PTPN4: variants seen among roughly 807,000 people sequenced by gnomAD.
PTPN4 encodes the protein protein tyrosine phosphatase non-receptor type 4.
Under a neutral mutation model 135.5 loss-of-function variants are expected in PTPN4, and 49 were observed. The observed-to-expected ratio is 0.36, with a 90% CI of 0.29 to 0.46. The LOEUF (loss-of-function observed/expected upper bound fraction) is 0.46. PTPN4 is among the 20% of genes least tolerant of loss of function. PTPN4 has a pLI of 1.00. For synonymous variants in PTPN4, 333 were observed against 369.9 expected (o/e 0.90, Z 1.14); for missense variants, 860 against 1,101.0 (o/e 0.78, Z 3.10).
chr2:119,863,581 C>G (rs1677791191), intron 3 of PTPN4, among the ~76,000 whole-genome samples: 1 of 151,966 alleles, frequency 6.6e-6, no homozygotes, highest in African/African-American at 2.4e-5. Flanking sequence ...TTTTCTTCCT[C>G]TCTCTCATGG....
chr2:119,811,882 CT>C (rs1007669406), intron 2 of PTPN4, among the ~76,000 whole-genome samples: 1 of 151,556 alleles, frequency 6.6e-6, no homozygotes, highest in African/African-American at 2.4e-5. Flanking sequence ...TATTAATGTA[CT>C]TTTATATGTT....
Position 119,946,265 on chromosome 2 carries a change from A to T in PTPN4, c.1516-76A>T, listed in dbSNP as rs1004761351. ...CTATGCATAATATAAGCATACAAAA[A>T]ATATGCTTCCTATATATCTGAAGAA... On this transcript the variant is annotated intron_variant, in intron 16 of 26. Coordinates refer to ENST00000263708, the MANE Select transcript of PTPN4 (RefSeq NM_002830.4). 1.3e-5 allele frequency: 15 copies of T among 1,131,850 alleles called. No individual in the cohort carries two copies. In the African/African-American group the frequency reaches 1.7e-4, roughly 13 times the overall value. The allele number at this position is 1,131,850 out of a possible 1,614,324, so 70.1% of individuals were successfully genotyped here.
At chr2:119,813,047 T>TCA (rs1363316527) in intron 2 of PTPN4, among the ~76,000 whole-genome samples, 2 of 151,816 alleles carry the variant, frequency 1.3e-5, no homozygotes, top group African/African-American at 4.8e-5. Flanking sequence ...AGTCAGAGAT[T>TCA]CACACACACA....
intron 18 of PTPN4, among the ~76,000 whole-genome samples, chr2:119,947,310 A>G (rs1679149017): frequency 2.0e-5 from 3 of 152,188 alleles, no homozygotes; most frequent in African/African-American, 7.2e-5. Context: ...GAGGGAGGCC[A>G]GCTATGCTTT....
Position 119,877,379 on chromosome 2 carries a change from T to C in PTPN4, c.289+14T>C. On this transcript the variant is annotated intron_variant, in intron 4 of 26. Transcript: ENST00000263708. ...AGCAGCTAAAGAGTGAGCATACATATTTACTTAATGTTTTGCAAGTTTACT... is the reference window on the plus strand; with the variant it reads ...AGCAGCTAAAGAGTGAGCATACATACTTACTTAATGTTTTGCAAGTTTACT... 6.2e-7 allele frequency: 1 copy of C among 1,611,618 alleles called. No individual in the cohort carries two copies. The highest frequency in any genetic ancestry group is 1.7e-5 in the Admixed American group (1 of 59,698).
intron 5 of PTPN4, among the ~76,000 whole-genome samples, 187 bp downstream of exon 5, chr2:119,877,729 G>A (rs1380055742): frequency 3.3e-5 from 5 of 152,092 alleles, no homozygotes; most frequent in African/African-American, 9.7e-5. Flanking sequence ...GAGTGTAAGG[G>A]GATTTAGAAC....
At position 119,960,917 on chromosome 2, in the gene PTPN4, G is replaced by A. The variant is rs1242269386; in HGVS notation, c.2244G>A (p.Met748Ile). ...TGACTTGGGAACAAGGCTCCTCTATGGTTGTAATGTTGACCACACAAGTTG... is the reference window on the plus strand; with the variant it reads ...TGACTTGGGAACAAGGCTCCTCTATAGTTGTAATGTTGACCACACAAGTTG... ...WQMTWEQGSSMVVMLTTQVER... is the reference protein window; with the variant it reads ...WQMTWEQGSSIVVMLTTQVER... The change falls in exon 23 of 27, where the codon ATG becomes ATA. Residue 748 changes from methionine to isoleucine, a missense_variant. By Grantham distance (10) the Met-to-Ile change is conservative (BLOSUM62 1). This residue lies in a region of PTPN4 where 176 missense variants were observed against 294.1 expected (regional missense o/e 0.60). Coordinates refer to ENST00000263708, the MANE Select transcript of PTPN4 (RefSeq NM_002830.4). 3.1e-6 allele frequency: 5 copies of A among 1,613,824 alleles called. No homozygotes were observed. Among genetic ancestry groups the A allele is most frequent in the South Asian group, 2.2e-5 (2 of 91,012 alleles).
chr2:119,950,753 C>T (rs558416800), intron 18 of PTPN4, among the ~76,000 whole-genome samples: 1 of 152,250 alleles, frequency 6.6e-6, no homozygotes, highest in Admixed American at 6.5e-5. Flanking sequence ...CAGAACATGT[C>T]CATATTTCTA....
intron 1 of PTPN4, among the ~76,000 whole-genome samples, chr2:119,802,512 T>C (rs1691395624): frequency 6.6e-6 from 1 of 152,250 alleles, no homozygotes; most frequent in Admixed American, 6.5e-5. Flanking sequence ...AGGTGGATTA[T>C]ATTGATTGAT....
At chr2:119,906,871 A>G (rs1377547106) in intron 10 of PTPN4, among the ~76,000 whole-genome samples, 1 of 152,234 alleles carries the variant, frequency 6.6e-6, no homozygotes, top group African/African-American at 2.4e-5. Context: ...ACAGGAAGTC[A>G]AATTGTTCCT....
chr2:119,957,315 G>A (rs1259790036), intron 22 of PTPN4, among the ~76,000 whole-genome samples: 3 of 152,178 alleles, frequency 2.0e-5, no homozygotes, highest in Non-Finnish European at 4.4e-5. Flanking sequence ...TTTGTTTATG[G>A]TAGAGGTGGC....
rs1030745764 is a variant in PTPN4 at position 119,980,019 on chromosome 2, T to C, written c.*2949T>C. ...ACATTCACCAGAAAATTGATAGTAT[T>C]TGTTAAACCAATGCATCCATTCAAA... On this transcript the variant is annotated 3_prime_UTR_variant, in exon 27 of 27. Transcript: ENST00000263708. 2 of 152,134 alleles carry C rather than the reference T, an allele frequency of 1.3e-5. No homozygotes were observed. Among genetic ancestry groups the C allele is most frequent in the African/African-American group, 4.8e-5 (2 of 41,458 alleles). 9.4% of individuals were successfully genotyped at this position (152,134 alleles called of 1,614,324 possible). A position where few individuals can be genotyped will look rare whatever the true frequency, so the allele number is the denominator to read the frequency against.
intron 1 of PTPN4, among the ~76,000 whole-genome samples, chr2:119,768,469 G>A (rs1690673510): frequency 6.6e-6 from 1 of 152,148 alleles, no homozygotes; most frequent in African/African-American, 2.4e-5. Flanking sequence ...ATACATATAT[G>A]TATACACACA....
intron 26 of PTPN4, among the ~76,000 whole-genome samples, chr2:119,970,286 CTGACCTCAG>C (rs1679512109): frequency 1.3e-5 from 2 of 151,660 alleles, no homozygotes; most frequent in South Asian, 4.2e-4. Context: ...TCTTGAACTC[CTGACCTCAG>C]GTGATCCACC....
intron 2 of PTPN4, among the ~76,000 whole-genome samples, chr2:119,858,901 T>C (rs1210770923): frequency 2.0e-5 from 3 of 152,196 alleles, no homozygotes; most frequent in Non-Finnish European, 4.4e-5. Context: ...CCCAAAGTGC[T>C]GGGATTACAG....
chr2:119,973,897 C>T (rs1215061105), intron 26 of PTPN4, among the ~76,000 whole-genome samples: 1 of 151,936 alleles, frequency 6.6e-6, no homozygotes, highest in African/African-American at 2.4e-5. Flanking sequence ...TAATCAATCC[C>T]TGCATTCATT....
chr2:119,956,695 C>A, intron 20 of PTPN4, 149 bp from the exon 21 acceptor site: 2 of 1,288,454 alleles, frequency 1.6e-6, no homozygotes, highest in East Asian at 2.6e-5. Context: ...TGGTTCAGTA[C>A]TCTACTAGAC....
intron 12 of PTPN4, among the ~76,000 whole-genome samples, chr2:119,925,559 G>T (rs562283199): frequency 6.6e-6 from 1 of 152,142 alleles, no homozygotes. Context: ...AATCATCCAA[G>T]TGGTTAGACA....
intron 1 of PTPN4, among the ~76,000 whole-genome samples, chr2:119,762,777 C>T (rs1690532985): frequency 6.6e-6 from 1 of 151,994 alleles, no homozygotes; most frequent in Non-Finnish European, 1.5e-5. Context: ...AATTGTTGCT[C>T]CTATGTAAAA....
Sources: gnomAD v4.1 joint callset for allele counts (sites outside exome capture counted in the v4.1 genomes callset) on GRCh38, gnomAD v4.1.1 for gene constraint, gnomAD v4.1.1 regional missense constraint, MANE v1.5 for transcripts, NCBI Gene and HGNC (gene_info 2026-07-23, HGNC 2026-07-21) for gene names.